The following ANKFN1 variants were observed in gnomAD, a reference collection of about 807,000 sequenced individuals.
ANKFN1 encodes ankyrin repeat and fibronectin type-III domain-containing protein 1.
In ANKFN1, 74 loss-of-function variants were observed where a neutral mutation model predicts 108.7. The ratio of observed to expected loss-of-function variants is 0.68; its 90% CI spans 0.56 to 0.83. ANKFN1 has a LOEUF of 0.83. Among genes scored for constraint, ANKFN1 ranks in the 40% least tolerant of loss-of-function variants. The probability of loss-of-function intolerance (pLI) is 0.00; values close to 1 mark genes in which losing one functional copy is unlikely to be tolerated. For missense variants in ANKFN1, 1,505 were observed against 1,382.3 expected, an observed-to-expected ratio of 1.09 and a Z score of -1.41; for synonymous variants, 547 against 516.2, an observed-to-expected ratio of 1.06 and a Z score of -0.81.
chr17:56,191,726 C>T (rs1279667305), intron 1 of ANKFN1, among the ~76,000 whole-genome samples: 9 of 146,842 alleles, frequency 6.1e-5, no homozygotes, highest in East Asian at 4.1e-4. Flanking sequence ...ATCTTTGTGG[C>T]GTTCTCTGTA....
chr17:56,430,070 T>G (rs7213627), intron 8 of ANKFN1, among the ~76,000 whole-genome samples: 120,678 of 152,000 alleles, frequency 0.79, 48,179 homozygotes, highest in East Asian at 0.96. Context: ...GAGAGTCATT[T>G]TGATGTTGGA....
At chr17:56,229,927 C>T (rs1302263690) in intron 3 of ANKFN1, among the ~76,000 whole-genome samples, 2 of 151,982 alleles carry the variant, frequency 1.3e-5, no homozygotes, top group Admixed American at 6.6e-5. Context: ...CATGGAGTCA[C>T]GGAAACATAT....
chr17:56,124,014 A>T (rs2143310153), intron 4 of ANKFN1, among the ~76,000 whole-genome samples: 1 of 152,266 alleles, frequency 6.6e-6, no homozygotes, highest in African/African-American at 2.4e-5. Context: ...CCAGTAGACG[A>T]GGGGTCCATG....
chr17:56,075,798 A>G (rs781329179), intron 4 of ANKFN1, among the ~76,000 whole-genome samples: 4 of 152,092 alleles, frequency 2.6e-5, no homozygotes, highest in Non-Finnish European at 5.9e-5. Flanking sequence ...TTTTGTTCCT[A>G]GTTCTGCAAG....
intron 4 of ANKFN1, among the ~76,000 whole-genome samples, chr17:56,124,574 A>T (rs74367335): frequency 6.6e-6 from 1 of 151,878 alleles, no homozygotes; most frequent in Non-Finnish European, 1.5e-5. Flanking sequence ...ATCCACTCTA[A>T]CCCTCTTGTT....
At chr17:56,140,556 A>C (rs1907858212) in intron 4 of ANKFN1, among the ~76,000 whole-genome samples, 2 of 152,074 alleles carry the variant, frequency 1.3e-5, no homozygotes, top group South Asian at 4.1e-4. Context: ...TTTCCCTTCC[A>C]TGATGTTTTG....
rs1030717382 is a variant in ANKFN1, at chr17:56,165,126, C to T, written c.-71+11596C>T. ...TATCATGGAATGAAAATTGATATTG[C>T]TTGAGTAACTGCTACGTGCCTTTCA... On this transcript the variant is annotated intron_variant, in intron 1 of 20. Transcript: ENST00000682825. 5.3e-5 allele frequency among the ~76,000 whole-genome samples: 8 copies of T among 152,150 alleles called. No homozygotes were observed. The East Asian group carries it at 1.5e-3, about 29-fold the overall frequency.
chr17:56,328,499 C>T (rs936169310), intron 4 of ANKFN1, among the ~76,000 whole-genome samples: 1 of 152,132 alleles, frequency 6.6e-6, no homozygotes, highest in African/African-American at 2.4e-5. Flanking sequence ...TTGTTTCTAC[C>T]TCAAAGGTAA....
At chr17:56,471,732 A>G (rs900984018) in intron 15 of ANKFN1, 10 of 152,272 alleles carry the variant, frequency 6.6e-5, no homozygotes, top group African/African-American at 2.4e-4. Context: ...CATATGATCC[A>G]TGCTACGACT....
At chr17:56,143,193 T>TA in intron 4 of ANKFN1, among the ~76,000 whole-genome samples, 1 of 152,322 alleles carries the variant, frequency 6.6e-6, no homozygotes, top group East Asian at 1.9e-4. Context: ...CATGGTAGGC[T>TA]AGAGGCTGCA....
rs560161974 is a variant in ANKFN1 at position 56,356,812 on chromosome 17, A to C, written c.601+2766A>C. On this transcript the variant is annotated intron_variant, in intron 6 of 20. Coordinates refer to ENST00000682825, the MANE Select transcript of ANKFN1 (RefSeq NM_001370326.1). ...ACATGGAGAATGCAGACTGAGCCCCATTCTACAGGAACAAGGAGACCATTC... is the reference window on the plus strand; with the variant it reads ...ACATGGAGAATGCAGACTGAGCCCCCTTCTACAGGAACAAGGAGACCATTC... Among the ~76,000 whole-genome samples the C allele has an allele frequency of 3.3e-5, 5 of 152,284 alleles. No homozygotes were observed. The East Asian group carries it at 7.7e-4, about 24-fold the overall frequency.
At chr17:56,081,281 G>A (rs545074120) in intron 4 of ANKFN1, among the ~76,000 whole-genome samples, 2 of 152,266 alleles carry the variant, frequency 1.3e-5, no homozygotes, top group East Asian at 3.9e-4. Flanking sequence ...GGCCCAAGCT[G>A]GTGACTTGAA....
chr17:56,503,984 G>A (rs2051469241), intron 20 of ANKFN1, among the ~76,000 whole-genome samples: 1 of 152,232 alleles, frequency 6.6e-6, no homozygotes, highest in Non-Finnish European at 1.5e-5. Context: ...ATCTGGGGAT[G>A]GAAGCTGCAC....
intron 1 of ANKFN1, among the ~76,000 whole-genome samples, chr17:56,200,095 A>G (rs1164571391): frequency 6.6e-6 from 1 of 152,220 alleles, no homozygotes. Context: ...CAAGCAGATC[A>G]TCAACTCTTG....
At chr17:56,429,140 A>G (rs1052108947) in intron 8 of ANKFN1, among the ~76,000 whole-genome samples, 1 of 152,238 alleles carries the variant, frequency 6.6e-6, no homozygotes, top group Non-Finnish European at 1.5e-5. Context: ...TCTTAAGTTA[A>G]CAAGTAAGTA....
At chr17:56,345,671 G>T (rs752051982) in intron 4 of ANKFN1, among the ~76,000 whole-genome samples, 49 of 152,070 alleles carry the variant, frequency 3.2e-4, no homozygotes, top group East Asian at 1.9e-3. Flanking sequence ...TCATATGTTT[G>T]TTGGCCACAT....
intron 8 of ANKFN1, among the ~76,000 whole-genome samples, chr17:56,437,865 A>G (rs1283814086): frequency 6.6e-6 from 1 of 152,142 alleles, no homozygotes; most frequent in Non-Finnish European, 1.5e-5. Context: ...TTTGATTCTA[A>G]CTAGATGGTA....
At chr17:56,241,062 T>C (rs1203045028) in intron 3 of ANKFN1, among the ~76,000 whole-genome samples, 1 of 152,152 alleles carries the variant, frequency 6.6e-6, no homozygotes, top group Non-Finnish European at 1.5e-5. Context: ...ACTTTTTAAT[T>C]TCCTACTTTG....
At chr17:56,148,286 G>A (rs184418099) in intron 4 of ANKFN1, among the ~76,000 whole-genome samples, 1 of 152,308 alleles carries the variant, frequency 6.6e-6, no homozygotes, top group Non-Finnish European at 1.5e-5. Flanking sequence ...TAAAATAGGT[G>A]AATCCCTTTA....
Sources: allele counts gnomAD v4.1 joint callset (sites outside exome capture counted in the v4.1 genomes callset), GRCh38; gene constraint gnomAD v4.1.1; transcripts MANE v1.5; gene names NCBI Gene and HGNC (gene_info 2026-07-23, HGNC 2026-07-21).